The following CPED1 variants were observed in gnomAD, a reference collection of about 807,000 sequenced individuals.
The protein encoded by CPED1 is cadherin-like and PC-esterase domain-containing protein 1.
A neutral mutation model predicts 128.2 loss-of-function variants in CPED1; 114 were observed. The ratio of observed to expected loss-of-function variants is 0.89; its 90% CI spans 0.76 to 1.04. The LOEUF (loss-of-function observed/expected upper bound fraction) is 1.04, where lower values mean the gene tolerates loss of function less well. Ranked by LOEUF, CPED1 falls within the 50% of genes least tolerant of loss-of-function variation. The probability of loss-of-function intolerance (pLI) is 0.00; values close to 1 mark genes in which losing one functional copy is unlikely to be tolerated. For synonymous variants in CPED1, 462 were observed against 426.7 expected, an observed-to-expected ratio of 1.08 and a Z score of -1.02; for missense variants, 1,211 against 1,207.1, an observed-to-expected ratio of 1.00 and a Z score of -0.05.
chr7:120,994,660 T>TGTGTGTGTGTGTGTGTGTG (rs60506801), intron 2 of CPED1, among the ~76,000 whole-genome samples: 1 of 127,338 alleles, frequency 7.9e-6, no homozygotes, highest in African/African-American at 3.0e-5. Context: ...TGTGTGTGTG[T>TGTGTGTGTGTGTGTGTGTG]TGTTGTTGTT....
intron 16 of CPED1, among the ~76,000 whole-genome samples, chr7:121,167,652 T>C (rs2116454965): frequency 6.6e-6 from 1 of 151,978 alleles, no homozygotes; most frequent in Non-Finnish European, 1.5e-5. Flanking sequence ...AAAAGTTAAA[T>C]CATTTTGTGT....
At chr7:121,089,140 A>C (rs1273482621) in intron 5 of CPED1, among the ~76,000 whole-genome samples, 1 of 152,092 alleles carries the variant, frequency 6.6e-6, no homozygotes, top group Non-Finnish European at 1.5e-5. Context: ...CTCAAGGCAA[A>C]ATGGTTTAGT....
intron 18 of CPED1, among the ~76,000 whole-genome samples, chr7:121,264,477 A>G (rs546201544): frequency 1.3e-5 from 2 of 152,198 alleles, no homozygotes; most frequent in South Asian, 4.1e-4. Flanking sequence ...GAGAGGATCT[A>G]TGACTGAGTC....
At chr7:121,105,490 C>T (rs1243076978) in intron 7 of CPED1, among the ~76,000 whole-genome samples, 1 of 151,992 alleles carries the variant, frequency 6.6e-6, no homozygotes, top group Non-Finnish European at 1.5e-5. Flanking sequence ...TTCGCTAGGC[C>T]CGGGAGATTT....
intron 3 of CPED1, among the ~76,000 whole-genome samples, chr7:121,025,992 G>A (rs1792571011): frequency 6.6e-6 from 1 of 152,092 alleles, no homozygotes; most frequent in Admixed American, 6.6e-5. Flanking sequence ...TGTTTCTGTT[G>A]CTAGTTCCAT....
chr7:121,063,079 T>A (rs1014126661), intron 4 of CPED1, among the ~76,000 whole-genome samples: 2 of 152,198 alleles, frequency 1.3e-5, no homozygotes, highest in Non-Finnish European at 2.9e-5. Context: ...TGTTTAGGAA[T>A]GCCACTGGTG....
intron 16 of CPED1, among the ~76,000 whole-genome samples, chr7:121,155,220 A>G (rs901019817): frequency 8.5e-5 from 13 of 152,248 alleles, no homozygotes; most frequent in African/African-American, 3.1e-4. Context: ...GGTCACAAAT[A>G]AAATGGAAAG....
At chr7:121,069,542 AAC>A (rs1793937919) in intron 5 of CPED1, among the ~76,000 whole-genome samples, 1 of 152,132 alleles carries the variant, frequency 6.6e-6, no homozygotes, top group African/African-American at 2.4e-5. Flanking sequence ...ACGTAAGGCT[AAC>A]ACAGTCTGTT....
chr7:121,043,810 C>T (rs951775553), intron 3 of CPED1, among the ~76,000 whole-genome samples: 1 of 152,236 alleles, frequency 6.6e-6, no homozygotes, highest in Non-Finnish European at 1.5e-5. Flanking sequence ...ATTGTGCTGA[C>T]ATTTGCATTT....
intron 11 of CPED1, 46 bp downstream of exon 11, chr7:121,128,532 G>C (rs755744647): frequency 4.1e-6 from 4 of 981,158 alleles, no homozygotes; most frequent in Non-Finnish European, 6.6e-6. Context: ...ACTGGGATTA[G>C]AGTAGATCAC....
intron 3 of CPED1, among the ~76,000 whole-genome samples, chr7:121,025,401 A>C (rs1792551736): frequency 6.6e-6 from 1 of 152,138 alleles, no homozygotes; most frequent in Admixed American, 6.6e-5. Flanking sequence ...TGGTATTAGA[A>C]TAGATTTGGG....
chr7:121,018,846 C>T (rs550888213), intron 3 of CPED1, among the ~76,000 whole-genome samples: 10 of 152,098 alleles, frequency 6.6e-5, no homozygotes, highest in South Asian at 6.2e-4. Flanking sequence ...ATAATCCACA[C>T]GAAAAACAAA....
At chr7:121,154,397 A>G (rs1467116642) in intron 16 of CPED1, among the ~76,000 whole-genome samples, 1 of 151,772 alleles carries the variant, frequency 6.6e-6, no homozygotes. Context: ...AGGCCTTTAA[A>G]TTTTCTGTTC....
chr7:121,163,863 G>T (rs1796465497), intron 16 of CPED1, among the ~76,000 whole-genome samples: 1 of 152,140 alleles, frequency 6.6e-6, no homozygotes, highest in African/African-American at 2.4e-5. Flanking sequence ...TTCTCAATGG[G>T]CAACAGGTTT....
chr7:121,230,064 G>A (rs1798103206), intron 16 of CPED1, among the ~76,000 whole-genome samples: 1 of 152,136 alleles, frequency 6.6e-6, no homozygotes, highest in Middle Eastern at 3.4e-3. Flanking sequence ...TGCATTTCAG[G>A]AAGATGACGT....
chr7:121,235,113 A>G (rs1284581881), intron 16 of CPED1, among the ~76,000 whole-genome samples: 7 of 152,074 alleles, frequency 4.6e-5, no homozygotes, highest in Non-Finnish European at 7.4e-5. Flanking sequence ...TATTTTTGCA[A>G]AATGAATCAT....
chr7:121,267,354 C>A, intron 21 of CPED1, 52 bp downstream of exon 21: 1 of 1,094,758 alleles, frequency 9.1e-7, no homozygotes, highest in Non-Finnish European at 1.3e-6. Flanking sequence ...TATAAGGATC[C>A]CTGCTGGAAA....
intron 7 of CPED1, among the ~76,000 whole-genome samples, chr7:121,117,159 G>A (rs1236490096): frequency 6.7e-6 from 1 of 148,586 alleles, no homozygotes; most frequent in African/African-American, 2.5e-5. Flanking sequence ...GGAGTGCAGT[G>A]GCATGATCTC....
chr7:121,245,487 C>A (rs183790422), intron 18 of CPED1, among the ~76,000 whole-genome samples: 1 of 152,056 alleles, frequency 6.6e-6, no homozygotes, highest in Non-Finnish European at 1.5e-5. Flanking sequence ...TTTAATCCAC[C>A]GCCATAATCT....
Sources: gnomAD v4.1 joint callset for allele counts (sites outside exome capture counted in the v4.1 genomes callset) on GRCh38, gnomAD v4.1.1 for gene constraint, MANE v1.5 for transcripts, NCBI Gene and HGNC (gene_info 2026-07-23, HGNC 2026-07-21) for gene names.